The following MPHOSPH8 variants were observed in gnomAD, a reference collection of about 807,000 sequenced individuals.
MPHOSPH8 encodes the protein M-phase phosphoprotein, mpp.
MPHOSPH8 carries 45 observed loss-of-function variants against 87.3 expected under a neutral mutation model. The observed-to-expected ratio is 0.52, with a 90% CI of 0.41 to 0.66. MPHOSPH8 has a LOEUF of 0.66. Among genes scored for constraint, MPHOSPH8 ranks in the 30% least tolerant of loss-of-function variants. The pLI is 0.00. For missense variants in MPHOSPH8, 883 were observed against 1,020.2 expected (o/e 0.87, Z 1.83); for synonymous variants, 366 against 376.9 (o/e 0.97, Z 0.33).
intron 8 of MPHOSPH8, 101 bp downstream of exon 8, chr13:19,661,939 A>G (rs946093482): frequency 3.0e-6 from 4 of 1,338,134 alleles, no homozygotes; most frequent in Non-Finnish European, 3.9e-6. Flanking sequence ...TCACATGGTC[A>G]CATCGCTTTT....
In MPHOSPH8 at chr13:19,643,988, G is replaced by C. The variant is rs528082630; in HGVS notation, c.369+1718G>C. Among the ~76,000 whole-genome samples, 10 of 152,272 alleles carry C rather than the reference G, an allele frequency of 6.6e-5. No individual in the cohort carries two copies. In the South Asian group the frequency reaches 1.9e-3, roughly 28 times the overall value. On this transcript the variant is annotated intron_variant, in intron 2 of 13. Coordinates refer to ENST00000361479, the MANE Select transcript of MPHOSPH8 (RefSeq NM_017520.4). ...ATACAGAGAAATTAACCTCAGATTT[G>C]CTATGCCCTTTCTACTGTGAATGAC...
At chr13:19,650,349 T>C in intron 5 of MPHOSPH8, 89 bp downstream of exon 5, 3 of 1,411,952 alleles carry the variant, frequency 2.1e-6, no homozygotes, top group Non-Finnish European at 2.9e-6. Flanking sequence ...ATCTCAACGA[T>C]CAAAAAATAA....
chr13:19,642,314 A>T (rs1565933491), intron 2 of MPHOSPH8, 44 bp downstream of exon 2: 1 of 1,462,040 alleles, frequency 6.8e-7, no homozygotes. Context: ...ACATAAATTT[A>T]TTGTAAATTT....
chr13:19,648,945 T>C (rs1052554093), intron 4 of MPHOSPH8, among the ~76,000 whole-genome samples: 3 of 152,176 alleles, frequency 2.0e-5, no homozygotes, highest in African/African-American at 7.2e-5. Context: ...AGCAGATAAA[T>C]ATTTAGTTTC....
intron 5 of MPHOSPH8, among the ~76,000 whole-genome samples, chr13:19,655,216 C>CT (rs1400375454): frequency 2.6e-5 from 4 of 152,136 alleles, no homozygotes; most frequent in Non-Finnish European, 4.4e-5. Context: ...TGGCTCACAC[C>CT]TACAATCTTA....
chr13:19,639,360 G>C (rs1271998079), intron 1 of MPHOSPH8, among the ~76,000 whole-genome samples: 2 of 151,716 alleles, frequency 1.3e-5, no homozygotes, highest in Non-Finnish European at 2.9e-5. Flanking sequence ...ACCCAGGCTG[G>C]AGTACAATGG....
At chr13:19,670,929 C>CAGG in intron 12 of MPHOSPH8, 1 of 953,476 alleles carries the variant, frequency 1.0e-6, no homozygotes, top group Non-Finnish European at 1.5e-6. Context: ...AAGCAATCCT[C>CAGG]CCACCTCAGC....
rs151172238 is a variant in MPHOSPH8 at position 19,650,902 on chromosome 13, G to C, written c.1576+642G>C. ...TATACTACAAAAATGACTATATCTT[G>C]GATACCGAGGGAAAATGTGCTTTTG... On this transcript the variant is annotated intron_variant, in intron 5 of 13. Coordinates refer to ENST00000361479, the MANE Select transcript of MPHOSPH8 (RefSeq NM_017520.4). Among the ~76,000 whole-genome samples the C allele has an allele frequency of 4.6e-3, 697 of 152,282 alleles. 5 individuals carry two copies. The highest frequency in any genetic ancestry group is 0.027 in the South Asian group (129 of 4,824).
chr13:19,652,381 G>C (rs1565938088), intron 5 of MPHOSPH8, among the ~76,000 whole-genome samples: 1 of 152,178 alleles, frequency 6.6e-6, no homozygotes, highest in African/African-American at 2.4e-5. Flanking sequence ...GTGCCATGAG[G>C]AACGGTGCAC....
Position 19,643,778 on chromosome 13 carries a change from C to T in MPHOSPH8, c.369+1508C>T, listed in dbSNP as rs569862096. 3.9e-5 allele frequency among the ~76,000 whole-genome samples: 6 copies of T among 152,270 alleles called. No homozygotes were observed. In the South Asian group the frequency reaches 1.2e-3, roughly 32 times the overall value. The stretch of plus-strand genomic sequence containing the variant: ...CAGCCCCTGTGTCCTGGCGCTCCCA[C>T]TCAGGGTAGCACTGCTCTCTTTTTT... On this transcript the variant is annotated intron_variant, in intron 2 of 13. Transcript: ENST00000361479.
chr13:19,666,693 A>C, intron 10 of MPHOSPH8, 114 bp downstream of exon 10: 1 of 893,924 alleles, frequency 1.1e-6, no homozygotes, highest in Non-Finnish European at 1.6e-6. Flanking sequence ...ATCCAGCACA[A>C]GTCCTGATGG....
chr13:19,633,661 T>G lies in MPHOSPH8; in HGVS notation c.-88T>G. On this transcript the variant is annotated 5_prime_UTR_variant, in exon 1 of 14. It removes an upstream start codon present in the reference 5' UTR. Transcript: ENST00000361479. ...TGGTCGGCTTCCGTTACGCCGCTGA[T>G]GTGGAGTAGGGCCGAGCGCGGAACG... The G allele has an allele frequency of 2.2e-6, 3 of 1,390,130 alleles. No individual in the cohort carries two copies. Among genetic ancestry groups the G allele is most frequent in the Non-Finnish European group, 2.0e-6 (2 of 1,003,930 alleles). 86.1% of individuals were successfully genotyped at this position (1,390,130 alleles called of 1,614,324 possible). A position where few individuals can be genotyped will look rare whatever the true frequency, so the allele number is the denominator to read the frequency against.
At chr13:19,644,961 G>C (rs1019969801) in intron 2 of MPHOSPH8, among the ~76,000 whole-genome samples, 1 of 151,914 alleles carries the variant, frequency 6.6e-6, no homozygotes, top group African/African-American at 2.4e-5. Context: ...AGTCAACCTG[G>C]CTAATTAAAA....
rs568217146 is a variant in MPHOSPH8 at position 19,636,604 on chromosome 13, G to A, written c.213+2643G>A. ...AACAATCCTGCCACCTCAGCCTCTC[G>A]GAGTAGATGGGACTATAGGTGTGCT... On this transcript the variant is annotated intron_variant, in intron 1 of 13. Coordinates refer to ENST00000361479, the MANE Select transcript of MPHOSPH8 (RefSeq NM_017520.4). Among the ~76,000 whole-genome samples, 309 of 151,618 alleles carry A rather than the reference G, an allele frequency of 2.0e-3. 1 individual carries two copies. Among genetic ancestry groups the A allele is most frequent in the African/African-American group, 7.1e-3 (294 of 41,306 alleles).
intron 8 of MPHOSPH8, 107 bp downstream of exon 8, chr13:19,661,945 C>CT (rs397761364): frequency 0.098 from 100,526 of 1,027,202 alleles, 525 homozygotes; most frequent in Middle Eastern, 0.14. Context: ...GGTCACATCG[C>CT]TTTTTTTTTT....
In MPHOSPH8 at chr13:19,642,122, T is replaced by G; in HGVS notation, c.221T>G (p.Val74Gly). The stretch of plus-strand genomic sequence containing the variant: ...TTTTATTTTCTATAACAGGGTAAAG[T>G]TCTTTACAAAGTTCGCTGGAAAGGC... The part of the protein sequence containing the change: ...ILDMKTEGGK[V>G]LYKVRWKGYT... Residue 74 changes from valine to glycine, a missense_variant, in exon 2 of 14, where the codon GTT (valine) becomes GGT (glycine). Val to Gly is a moderately radical substitution (Grantham distance 109). This residue lies in a region of MPHOSPH8 where 103 missense variants were observed against 96.3 expected (regional missense o/e 1.07). Transcript: ENST00000361479. 6.4e-7 allele frequency: 1 copy of G among 1,569,130 alleles called. No homozygotes were observed. Among genetic ancestry groups the G allele is most frequent in the Non-Finnish European group, 8.6e-7 (1 of 1,161,900 alleles).
At chr13:19,664,759 C>T (rs1040259939) in intron 9 of MPHOSPH8, among the ~76,000 whole-genome samples, 21 of 151,850 alleles carry the variant, frequency 1.4e-4, no homozygotes, top group African/African-American at 4.8e-4. Context: ...GGGAGTTGGG[C>T]GTTGGGTCGT....
At chr13:19,666,369 G>A in intron 9 of MPHOSPH8, 56 bp from the exon 10 acceptor site, 1 of 1,523,956 alleles carries the variant, frequency 6.6e-7, no homozygotes, top group Non-Finnish European at 9.0e-7. Flanking sequence ...GAAGGGACCA[G>A]CACCCATGCC....
In MPHOSPH8 at chr13:19,633,725, T is replaced by G; in HGVS notation, c.-24T>G. The stretch of plus-strand genomic sequence containing the variant: ...GGGTGTTTGTCGCAGCGGGTTTTCC[T>G]CGGCGGTTTGCGGAGCTGCTAGGAT... On this transcript the variant is annotated 5_prime_UTR_variant, in exon 1 of 14. Transcript: ENST00000361479. 6.4e-7 allele frequency: 1 copy of G among 1,567,764 alleles called. No individual in the cohort carries two copies. The highest frequency in any genetic ancestry group is 8.6e-7 in the Non-Finnish European group (1 of 1,156,266).
Sources: gnomAD v4.1 joint callset for allele counts (sites outside exome capture counted in the v4.1 genomes callset) on GRCh38, gnomAD v4.1.1 for gene constraint, gnomAD v4.1.1 regional missense constraint, MANE v1.5 for transcripts, NCBI Gene and HGNC (gene_info 2026-07-23, HGNC 2026-07-21) for gene names.